Variants in OSGIN2 observed in about 807,000 individuals in gnomAD.
OSGIN2 encodes the protein oxidative stress-induced growth inhibitor 2.
OSGIN2 carries 19 observed loss-of-function variants against 53.8 expected under a neutral mutation model. That is an observed-to-expected ratio of 0.35 (90% CI 0.25 to 0.52). The LOEUF is 0.52. Ranked by LOEUF, OSGIN2 falls within the 20% of genes least tolerant of loss-of-function variation. The pLI is 0.95. For missense variants in OSGIN2, 520 were observed against 662.7 expected (o/e 0.78, Z 2.36); for synonymous variants, 236 against 236.0 (o/e 1.00, Z 0.00).
rs1386531863 is a variant in OSGIN2, at chr8:89,925,392, T to C, written c.1510T>C (p.Phe504Leu). 6.2e-7 allele frequency: 1 copy of C among 1,613,990 alleles called. No individual in the cohort carries two copies. The highest frequency in any genetic ancestry group is 8.5e-7 in the Non-Finnish European group (1 of 1,180,000). The stretch of plus-strand genomic sequence containing the variant: ...TGAGTGTATTAAAGAAGCCAACCTT[T>C]TTGCATTGGGTCCTTTGGTTGGAGA... Reference protein sequence around the residue: ...TYECIKEANLFALGPLVGDNF... With the variant: ...TYECIKEANLLALGPLVGDNF... Residue 504 changes from phenylalanine to leucine, a missense_variant, in exon 6 of 6, where the codon TTT (phenylalanine) becomes CTT (leucine). Transcript: ENST00000451899.
At chr8:89,922,439 T>C (rs1029751231) in intron 5 of OSGIN2, among the ~76,000 whole-genome samples, 2 of 152,248 alleles carry the variant, frequency 1.3e-5, no homozygotes, top group African/African-American at 4.8e-5. Context: ...GCTTAACACA[T>C]TCTTCACTTT....
chr8:89,915,175 A>C (rs1809052065), intron 4 of OSGIN2, among the ~76,000 whole-genome samples: 1 of 152,228 alleles, frequency 6.6e-6, no homozygotes, highest in Non-Finnish European at 1.5e-5. Context: ...AAAATGCCAT[A>C]GAATTGATGG....
rs1808748178 is a variant in OSGIN2, at chr8:89,902,707, CAGCGGGCGCCCCG to C, written c.-79_-67del. On this transcript the variant is annotated 5_prime_UTR_variant, in exon 1 of 6. Coordinates refer to ENST00000451899, the MANE Select transcript of OSGIN2 (RefSeq NM_001126111.3). ...CCCGGCAGACCCCGCGACCCCGAGC[CAGCGGGCGCCCCG>C]AGCGGGCAGCCTCGCCGGGGGAGGC... The C allele has an allele frequency of 1.6e-6, 1 of 610,426 alleles. No individual in the cohort carries two copies. 37.8% of individuals were successfully genotyped at this position (610,426 alleles called of 1,614,324 possible). A position where few individuals can be genotyped will look rare whatever the true frequency, so the allele number is the denominator to read the frequency against.
intron 2 of OSGIN2, among the ~76,000 whole-genome samples, chr8:89,913,424 T>A (rs531167036): frequency 6.6e-6 from 1 of 152,206 alleles, no homozygotes; most frequent in Non-Finnish European, 1.5e-5. Flanking sequence ...GAACACTGGA[T>A]AGTCAGAAAC....
chr8:89,920,106 T>A (rs1390259814), intron 4 of OSGIN2, among the ~76,000 whole-genome samples: 1 of 152,174 alleles, frequency 6.6e-6, no homozygotes, highest in Non-Finnish European at 1.5e-5. Context: ...TTCCAAATAA[T>A]CTCTGATAGA....
intron 1 of OSGIN2, among the ~76,000 whole-genome samples, chr8:89,906,749 A>G (rs1419423118): frequency 2.0e-5 from 3 of 152,144 alleles, no homozygotes; most frequent in African/African-American, 7.2e-5. Context: ...GTACACGTGC[A>G]TTTGTCTGTA....
intron 1 of OSGIN2, among the ~76,000 whole-genome samples, chr8:89,903,877 C>T (rs1808782885): frequency 6.6e-6 from 1 of 152,086 alleles, no homozygotes; most frequent in Non-Finnish European, 1.5e-5. Context: ...ATATATATAT[C>T]GCGTTTACTT....
chr8:89,905,581 A>G (rs1808823352), intron 1 of OSGIN2, among the ~76,000 whole-genome samples: 1 of 152,246 alleles, frequency 6.6e-6, no homozygotes, highest in African/African-American at 2.4e-5. Flanking sequence ...ATGTAAAACC[A>G]GTGAATCACA....
intron 1 of OSGIN2, among the ~76,000 whole-genome samples, chr8:89,909,038 AT>A (rs1188956342): frequency 0.022 from 2,072 of 95,144 alleles, 201 homozygotes; most frequent in African/African-American, 0.12. Context: ...AAAAAAAAAA[AT>A]ATATATATAT....
chr8:89,920,680 A>G (rs949486875), intron 4 of OSGIN2, among the ~76,000 whole-genome samples: 1 of 152,248 alleles, frequency 6.6e-6, no homozygotes, highest in Non-Finnish European at 1.5e-5. Flanking sequence ...AAAGCCATCT[A>G]AAATTTTGGA....
chr8:89,917,652 CT>C (rs971270171), intron 4 of OSGIN2, among the ~76,000 whole-genome samples: 4 of 152,160 alleles, frequency 2.6e-5, no homozygotes, highest in African/African-American at 9.6e-5. Flanking sequence ...ACCTTTATCT[CT>C]TTTTTTTCTT....
intron 4 of OSGIN2, among the ~76,000 whole-genome samples, chr8:89,920,339 T>C (rs980562187): frequency 1.3e-5 from 2 of 152,198 alleles, no homozygotes; most frequent in Admixed American, 6.5e-5. Context: ...CTGGGTGTTA[T>C]AGAAGCAGGG....
intron 4 of OSGIN2, among the ~76,000 whole-genome samples, chr8:89,917,827 C>T (rs1809114237): frequency 6.6e-6 from 1 of 152,124 alleles, no homozygotes; most frequent in Non-Finnish European, 1.5e-5. Context: ...CTAAGGCTCA[C>T]CTTCCAGCCA....
At chr8:89,912,036 T>C (rs560508579) in intron 2 of OSGIN2, among the ~76,000 whole-genome samples, 2 of 152,386 alleles carry the variant, frequency 1.3e-5, no homozygotes, top group South Asian at 4.1e-4. Flanking sequence ...AATCTTTCTC[T>C]GCTTTCTCTG....
intron 4 of OSGIN2, 49 bp downstream of exon 4, chr8:89,914,795 G>C: frequency 7.7e-7 from 1 of 1,302,152 alleles, no homozygotes; most frequent in African/African-American, 1.5e-5. Context: ...TATTTGTCTT[G>C]ATAAGACCAA....
upstream of OSGIN2, chr8:89,902,440 T>G (rs1808736815): frequency 6.6e-6 from 1 of 151,824 alleles, no homozygotes; most frequent in Non-Finnish European, 1.5e-5. Flanking sequence ...GCCCGGGCCG[T>G]GGCTCCACCA....
chr8:89,908,229 C>G (rs1310590565), intron 1 of OSGIN2, among the ~76,000 whole-genome samples: 1 of 152,156 alleles, frequency 6.6e-6, no homozygotes, highest in Non-Finnish European at 1.5e-5. Flanking sequence ...AACTTCCTCC[C>G]AAGGGTAGGC....
intron 5 of OSGIN2, among the ~76,000 whole-genome samples, chr8:89,922,582 T>C (rs1448115800): frequency 6.6e-6 from 1 of 152,214 alleles, no homozygotes; most frequent in African/African-American, 2.4e-5. Flanking sequence ...TTGCTGCCTT[T>C]GTATAAAGAG....
At chr8:89,912,731 C>G (rs1046954231) in intron 2 of OSGIN2, among the ~76,000 whole-genome samples, 14 of 150,956 alleles carry the variant, frequency 9.3e-5, no homozygotes, top group Non-Finnish European at 1.5e-4. Context: ...GGTGACACAG[C>G]GAGACTCTGT....
Sources: allele counts gnomAD v4.1 joint callset (sites outside exome capture counted in the v4.1 genomes callset), GRCh38; gene constraint gnomAD v4.1.1; transcripts MANE v1.5; gene names NCBI Gene and HGNC (gene_info 2026-07-23, HGNC 2026-07-21).